The following DOCK9 variants were observed in gnomAD, a reference collection of about 807,000 sequenced individuals.
DOCK9 encodes the protein dedicator of cytokinesis 9.
In DOCK9, 89 loss-of-function variants were observed where a neutral mutation model predicts 263.3. The ratio of observed to expected loss-of-function variants is 0.34; its 90% CI spans 0.28 to 0.40. The LOEUF (loss-of-function observed/expected upper bound fraction) is 0.40. DOCK9 is among the 10% of genes least tolerant of loss of function. DOCK9 has a pLI of 1.00. For synonymous variants in DOCK9, 976 were observed against 973.1 expected, an observed-to-expected ratio of 1.00 and a Z score of -0.06; for missense variants, 2,140 against 2,603.4, an observed-to-expected ratio of 0.82 and a Z score of 3.87.
chr13:98,870,118 T>G (rs1566789810), intron 27 of DOCK9, among the ~76,000 whole-genome samples: 1 of 152,196 alleles, frequency 6.6e-6, no homozygotes, highest in Non-Finnish European at 1.5e-5. Flanking sequence ...AAATAGTATT[T>G]TCTAAAACTG....
chr13:99,072,088 C>T (rs146747593), intron 1 of DOCK9, among the ~76,000 whole-genome samples: 3 of 152,312 alleles, frequency 2.0e-5, no homozygotes, highest in East Asian at 3.9e-4. Flanking sequence ...CCTTGATTGG[C>T]TCTGTCATAA....
chr13:98,852,332 T>A (rs1234979029), intron 35 of DOCK9, among the ~76,000 whole-genome samples: 2 of 152,010 alleles, frequency 1.3e-5, no homozygotes, highest in East Asian at 3.9e-4. Flanking sequence ...CATTTTAAAG[T>A]AACAAATCAA....
At chr13:98,967,096 G>A (rs996008493) in intron 1 of DOCK9, among the ~76,000 whole-genome samples, 8 of 152,180 alleles carry the variant, frequency 5.3e-5, no homozygotes, top group African/African-American at 1.9e-4. Flanking sequence ...ATATTAAAAC[G>A]TATTCTCAAA....
chr13:99,013,110 T>C (rs1330945463), intron 1 of DOCK9, among the ~76,000 whole-genome samples: 4 of 149,516 alleles, frequency 2.7e-5, no homozygotes, highest in South Asian at 4.3e-4. Context: ...AATCTGATTC[T>C]TTTTTTTTTA....
chr13:98,949,324 C>T (rs950732566), intron 2 of DOCK9, among the ~76,000 whole-genome samples: 12 of 152,140 alleles, frequency 7.9e-5, no homozygotes, highest in African/African-American at 2.9e-4. Flanking sequence ...AAACAAGGCC[C>T]CAGGAACCTC....
chr13:99,008,175 T>C (rs1054259064), intron 1 of DOCK9, among the ~76,000 whole-genome samples: 9 of 147,976 alleles, frequency 6.1e-5, no homozygotes, highest in Admixed American at 2.0e-4. Flanking sequence ...GTTTATGATA[T>C]ATTGTGCAGC....
chr13:98,984,136 GAA>G (rs1877899704), intron 1 of DOCK9, among the ~76,000 whole-genome samples: 2 of 152,288 alleles, frequency 1.3e-5, no homozygotes, highest in Non-Finnish European at 2.9e-5. Context: ...GGGACCATTG[GAA>G]GGTCCTTCAC....
chr13:98,798,676 G>A (rs933305369), intron 50 of DOCK9, among the ~76,000 whole-genome samples: 32 of 152,344 alleles, frequency 2.1e-4, no homozygotes, highest in Admixed American at 2.1e-3. Flanking sequence ...GCTCTGCCCA[G>A]TAAAGCTGCA....
intron 33 of DOCK9, chr13:98,859,749 G>GTATATATATATATATATATA (rs772535372): frequency 9.5e-5 from 13 of 136,760 alleles, no homozygotes; most frequent in Admixed American, 1.5e-4. Context: ...GTGTGTGTGT[G>GTATATATATATATATATATA]TGTGTATATA....
At chr13:98,866,796 C>A (rs1305104418) in intron 30 of DOCK9, among the ~76,000 whole-genome samples, 1 of 152,150 alleles carries the variant, frequency 6.6e-6, no homozygotes, top group Non-Finnish European at 1.5e-5. Context: ...GGGGGTGAAG[C>A]AGGGATGTTT....
rs536828122 is a variant in DOCK9 at position 99,033,408 on chromosome 13, C to T, written c.129+52815G>A. 8.3e-4 allele frequency among the ~76,000 whole-genome samples: 127 copies of T among 152,178 alleles called. 1 individual carries two copies. The highest frequency in any genetic ancestry group is 1.3e-3 in the Non-Finnish European group (86 of 68,030). On this transcript the variant is annotated intron_variant, in intron 1 of 32. Transcript: ENST00000427887. The stretch of plus-strand genomic sequence containing the variant: ...ATTTGTGAGGGAATGAAACTACTGC[C>T]CCAAGGAGGGGTTCATGCATGAGCG...
At chr13:98,946,549 C>T (rs1379353486) in intron 2 of DOCK9, among the ~76,000 whole-genome samples, 1 of 152,126 alleles carries the variant, frequency 6.6e-6, no homozygotes, top group Non-Finnish European at 1.5e-5. Context: ...TCCTCAACTC[C>T]TCCTCTAAAA....
chr13:99,065,175 A>T (rs2041362434), intron 1 of DOCK9, among the ~76,000 whole-genome samples: 1 of 152,184 alleles, frequency 6.6e-6, no homozygotes, highest in Non-Finnish European at 1.5e-5. Context: ...AGGATTATTA[A>T]TCAAAATTCA....
intron 9 of DOCK9, among the ~76,000 whole-genome samples, chr13:98,907,983 T>A (rs1178671487): frequency 1.3e-5 from 2 of 152,150 alleles, no homozygotes; most frequent in African/African-American, 4.8e-5. Context: ...TCCCTGCTCA[T>A]TAAAAGAGAA....
intron 52 of DOCK9, chr13:98,796,104 G>T: frequency 1.1e-6 from 1 of 869,816 alleles, no homozygotes. Flanking sequence ...CTCTGCCCAT[G>T]TACTGTCATT....
intron 38 of DOCK9, 135 bp from the exon 39 acceptor site, chr13:98,837,744 T>TG (rs1160701268): frequency 1.2e-5 from 1 of 80,336 alleles, no homozygotes; most frequent in African/African-American, 5.2e-5. Flanking sequence ...GCCTTTTTTT[T>TG]GGGGTGGGGG....
chr13:98,950,403 ATT>A (rs2057274665), intron 2 of DOCK9: 1 of 833,904 alleles, frequency 1.2e-6, no homozygotes, highest in Non-Finnish European at 2.0e-6. Flanking sequence ...TCTTTTTCAG[ATT>A]TTCTAGAACC....
At chr13:99,078,207 C>A (rs1007445765) in intron 1 of DOCK9, among the ~76,000 whole-genome samples, 5 of 152,006 alleles carry the variant, frequency 3.3e-5, no homozygotes, top group African/African-American at 4.8e-5. Flanking sequence ...GCACAACATG[C>A]GGTAGAAGCG....
At chr13:99,070,138 C>A (rs1596032854) in intron 1 of DOCK9, among the ~76,000 whole-genome samples, 1 of 147,816 alleles carries the variant, frequency 6.8e-6, no homozygotes, top group Non-Finnish European at 1.5e-5. Flanking sequence ...TTTTTGCTTC[C>A]AACATGCATG....
Sources: allele counts gnomAD v4.1 joint callset (sites outside exome capture counted in the v4.1 genomes callset), GRCh38; gene constraint gnomAD v4.1.1; transcripts MANE v1.5; gene names NCBI Gene and HGNC (gene_info 2026-07-23, HGNC 2026-07-21).